Variants in ASTN2 observed in about 807,000 individuals in gnomAD.
ASTN2 encodes astrotactin 2, also known as astrotactin-2.
In ASTN2, 54 loss-of-function variants were observed where a neutral mutation model predicts 139.8. The ratio of observed to expected loss-of-function variants is 0.39; its 90% CI spans 0.31 to 0.48. The LOEUF is 0.48. Among genes scored for constraint, ASTN2 ranks in the 20% least tolerant of loss-of-function variants. ASTN2 has a pLI of 0.95. For missense variants in ASTN2, 1,565 were observed against 1,725.1 expected, an observed-to-expected ratio of 0.91 and a Z score of 1.64; for synonymous variants, 756 against 719.5, an observed-to-expected ratio of 1.05 and a Z score of -0.81.
intron 22 of ASTN2, among the ~76,000 whole-genome samples, chr9:116,431,798 G>T (rs2118829816): frequency 6.6e-6 from 1 of 152,316 alleles, no homozygotes; most frequent in Non-Finnish European, 1.5e-5. Context: ...GCCAGTCATT[G>T]ATTTGACCAG....
intron 3 of ASTN2, among the ~76,000 whole-genome samples, chr9:117,164,742 A>T (rs1830631153): frequency 6.6e-6 from 1 of 152,070 alleles, no homozygotes; most frequent in Non-Finnish European, 1.5e-5. Flanking sequence ...TTTTCCTGGC[A>T]CATGCCTGAC....
At chr9:116,447,617 T>A (rs1848039078) in intron 20 of ASTN2, among the ~76,000 whole-genome samples, 1 of 152,212 alleles carries the variant, frequency 6.6e-6, no homozygotes, top group Admixed American at 6.5e-5. Flanking sequence ...TGGCTTCTCG[T>A]ACATTGGCTG....
chr9:117,153,856 C>A (rs575642232), intron 3 of ASTN2, among the ~76,000 whole-genome samples: 1 of 152,038 alleles, frequency 6.6e-6, no homozygotes, highest in Non-Finnish European at 1.5e-5. Flanking sequence ...GCTATGCTTG[C>A]CGAATGAATG....
At chr9:117,045,017 A>T (rs1249260403) in intron 5 of ASTN2, among the ~76,000 whole-genome samples, 1 of 152,132 alleles carries the variant, frequency 6.6e-6, no homozygotes, top group African/African-American at 2.4e-5. Context: ...CCCCTGTATC[A>T]CTACAACTTC....
chr9:116,539,531 A>C (rs1851792248), intron 19 of ASTN2, among the ~76,000 whole-genome samples: 1 of 152,202 alleles, frequency 6.6e-6, no homozygotes, highest in Non-Finnish European at 1.5e-5. Context: ...TTGAACACTT[A>C]TTTTGTTTAT....
intron 3 of ASTN2, among the ~76,000 whole-genome samples, chr9:117,174,793 C>A (rs1428118863): frequency 6.6e-6 from 1 of 151,984 alleles, no homozygotes; most frequent in African/African-American, 2.4e-5. Flanking sequence ...GGAAAATTTG[C>A]TGTCAAAAGT....
chr9:116,635,960 A>C (rs1857053354), intron 17 of ASTN2, among the ~76,000 whole-genome samples: 1 of 152,234 alleles, frequency 6.6e-6, no homozygotes, highest in African/African-American at 2.4e-5. Context: ...AAGAAAGATG[A>C]AGTGGAAAAT....
In ASTN2 at chr9:117,213,977, T is replaced by G. The variant is rs376484166; in HGVS notation, c.1015+381A>C. ...CTTTCCTTTTGGACATGGGGGACCGTGAACACAGATTTCAAGTTGGTATAA... is the reference window on the plus strand; with the variant it reads ...CTTTCCTTTTGGACATGGGGGACCGGGAACACAGATTTCAAGTTGGTATAA... On this transcript the variant is annotated intron_variant, in intron 3 of 22. Transcript: ENST00000313400. Among the ~76,000 whole-genome samples, 32 of 152,280 alleles carry G rather than the reference T, an allele frequency of 2.1e-4. No homozygotes were observed. In the South Asian group the frequency reaches 5.8e-3, roughly 28 times the overall value.
At chr9:117,020,230 A>T (rs1837836802) in intron 6 of ASTN2, among the ~76,000 whole-genome samples, 1 of 152,102 alleles carries the variant, frequency 6.6e-6, no homozygotes, top group Non-Finnish European at 1.5e-5. Context: ...TACTTCTATG[A>T]TATTGAAAAC....
At chr9:117,279,427 T>C (rs925579885) in intron 2 of ASTN2, among the ~76,000 whole-genome samples, 1 of 152,170 alleles carries the variant, frequency 6.6e-6, no homozygotes, top group East Asian at 1.9e-4. Context: ...AATACAACAT[T>C]TGTATAGAGT....
chr9:117,025,587 C>G (rs1225998135), intron 6 of ASTN2, among the ~76,000 whole-genome samples: 2 of 152,118 alleles, frequency 1.3e-5, no homozygotes, highest in African/African-American at 4.8e-5. Context: ...AGACTGATCA[C>G]TCTCTCATCC....
intron 19 of ASTN2, among the ~76,000 whole-genome samples, chr9:116,617,170 T>C (rs1179526873): frequency 6.6e-6 from 1 of 152,208 alleles, no homozygotes; most frequent in Non-Finnish European, 1.5e-5. Context: ...CTTTTCTTTT[T>C]CTGACTTCTT....
At chr9:117,156,364 A>G (rs1028059458) in intron 3 of ASTN2, among the ~76,000 whole-genome samples, 3 of 152,204 alleles carry the variant, frequency 2.0e-5, no homozygotes, top group African/African-American at 7.2e-5. Flanking sequence ...AGAGAGATTA[A>G]GGCTCTTGAC....
intron 3 of ASTN2, among the ~76,000 whole-genome samples, chr9:117,166,335 T>A (rs1437726233): frequency 2.0e-5 from 3 of 152,102 alleles, no homozygotes; most frequent in Non-Finnish European, 4.4e-5. Flanking sequence ...TTCAGTCTCA[T>A]CCTTTCTAAC....
In ASTN2 at chr9:116,847,975, G is replaced by C. The variant is rs143899192; in HGVS notation, c.2040+15608C>G. ...CTCAGGTCTGCACTGCTACAAAGCT[G>C]TACCCTCTGGGCTGATGGCATGGCT... On this transcript the variant is annotated intron_variant, in intron 11 of 22. Transcript: ENST00000313400. Among the ~76,000 whole-genome samples, 511 of 152,322 alleles carry C rather than the reference G, an allele frequency of 3.4e-3. 4 individuals carry two copies. Among genetic ancestry groups the C allele is most frequent in the African/African-American group, 0.011 (478 of 41,568 alleles).
chr9:116,647,440 G>A (rs912698666), intron 17 of ASTN2, among the ~76,000 whole-genome samples: 2 of 152,058 alleles, frequency 1.3e-5, no homozygotes, highest in Admixed American at 6.6e-5. Context: ...GGGATTCTCT[G>A]ATCACACACC....
intron 2 of ASTN2, among the ~76,000 whole-genome samples, chr9:117,274,500 A>G (rs1834139219): frequency 6.6e-6 from 1 of 152,200 alleles, no homozygotes; most frequent in African/African-American, 2.4e-5. Flanking sequence ...CCCAGTGTCT[A>G]TTATGTGCCA....
chr9:116,782,567 C>G (rs1358994042), intron 13 of ASTN2, among the ~76,000 whole-genome samples: 1 of 152,176 alleles, frequency 6.6e-6, no homozygotes, highest in African/African-American at 2.4e-5. Flanking sequence ...TCAAGTAGAG[C>G]AGTACTTCTT....
At chr9:116,989,982 A>T (rs1836803644) in intron 7 of ASTN2, among the ~76,000 whole-genome samples, 1 of 150,782 alleles carries the variant, frequency 6.6e-6, no homozygotes, top group African/African-American at 2.4e-5. Context: ...TTTCTTTCTC[A>T]CTGTGTGTCT....
Sources: gnomAD v4.1 joint callset for allele counts (sites outside exome capture counted in the v4.1 genomes callset) on GRCh38, gnomAD v4.1.1 for gene constraint, MANE v1.5 for transcripts, NCBI Gene and HGNC (gene_info 2026-07-23, HGNC 2026-07-21) for gene names.